The following PRKDC variants were observed in gnomAD, a reference collection of about 807,000 sequenced individuals.
The protein encoded by PRKDC is DNA-dependent protein kinase catalytic subunit.
PRKDC carries 82 observed loss-of-function variants against 486.9 expected under a neutral mutation model. The observed-to-expected ratio is 0.17, with a 90% confidence interval of 0.14 to 0.20. PRKDC has a LOEUF of 0.20. Among genes scored for constraint, PRKDC ranks in the 10% least tolerant of loss-of-function variants. PRKDC has a pLI of 1.00. For missense variants in PRKDC, 4,504 were observed against 5,038.2 expected, an observed-to-expected ratio of 0.89 and a Z score of 3.21; for synonymous variants, 1,895 against 1,837.0, an observed-to-expected ratio of 1.03 and a Z score of -0.81.
intron 68 of PRKDC, among the ~76,000 whole-genome samples, chr8:47,813,347 AC>A (rs1399048818): frequency 2.0e-5 from 3 of 151,930 alleles, no homozygotes; most frequent in Non-Finnish European, 2.9e-5. Context: ...CCAACTCCTG[AC>A]CTCAAATGAT....
intron 68 of PRKDC, among the ~76,000 whole-genome samples, chr8:47,814,127 AAT>A (rs1160359242): frequency 6.6e-6 from 1 of 152,262 alleles, no homozygotes; most frequent in African/African-American, 2.4e-5. Flanking sequence ...GGAGAAAAAC[AAT>A]ATGATTAAGC....
chr8:47,877,657 G>C, intron 40 of PRKDC, 67 bp downstream of exon 40: 7 of 1,382,854 alleles, frequency 5.1e-6, no homozygotes, highest in Non-Finnish European at 6.6e-6. Context: ...TTTTGGAACA[G>C]AGAGGATAAT....
chr8:47,882,701 C>A (rs1469712986), intron 36 of PRKDC, among the ~76,000 whole-genome samples: 1 of 152,250 alleles, frequency 6.6e-6, no homozygotes, highest in Non-Finnish European at 1.5e-5. Context: ...ACTCCTGCAA[C>A]AGAGTGACAG....
chr8:47,880,783 G>A (rs1038303354), intron 38 of PRKDC, among the ~76,000 whole-genome samples: 1 of 152,074 alleles, frequency 6.6e-6, no homozygotes, highest in Non-Finnish European at 1.5e-5. Flanking sequence ...GCCGGGTGTG[G>A]TGGCTCACAC....
chr8:47,938,012 A>G (rs2090382866), intron 11 of PRKDC, among the ~76,000 whole-genome samples: 1 of 152,126 alleles, frequency 6.6e-6, no homozygotes, highest in South Asian at 2.1e-4. Context: ...TTACTCGGGA[A>G]GTTAAGGCAG....
Position 47,854,297 on chromosome 8 carries a change from T to G in PRKDC, c.6762-83A>C, listed in dbSNP as rs2088482859. 3.3e-6 allele frequency: 5 copies of G among 1,502,222 alleles called. No homozygotes were observed. The South Asian group carries it at 5.9e-5, about 18-fold the overall frequency. 93.1% of individuals were successfully genotyped at this position (1,502,222 alleles called of 1,614,324 possible). A position where few individuals can be genotyped will look rare whatever the true frequency, so the allele number is the denominator to read the frequency against. ...GGAAGACAAATACAGAATTTTATTT[T>G]TTTGAGACAGAGTCTGACTCTCGCC... is the stretch of plus-strand genomic sequence containing the variant. On this transcript the variant is annotated intron_variant, in intron 50 of 85. Transcript: ENST00000314191.
intron 25 of PRKDC, among the ~76,000 whole-genome samples, chr8:47,910,524 C>T (rs548993383): frequency 4.6e-5 from 7 of 152,180 alleles, no homozygotes; most frequent in Non-Finnish European, 7.3e-5. Context: ...GCCATCTGTG[C>T]GCTGGTTCAG....
At chr8:47,880,620 A>T (rs1243615290) in intron 38 of PRKDC, among the ~76,000 whole-genome samples, 4 of 152,234 alleles carry the variant, frequency 2.6e-5, no homozygotes, top group African/African-American at 4.8e-5. Flanking sequence ...TGACCCTAAA[A>T]ATCACCAAAA....
At position 47,798,401 on chromosome 8, in the gene PRKDC, TCAAGGACAC is replaced by T. The variant is rs1476833198; in HGVS notation, c.10298-13_10298-5del. 6.3e-7 allele frequency: 1 copy of T among 1,580,302 alleles called. No homozygotes were observed. Among genetic ancestry groups the T allele is most frequent in the East Asian group, 2.2e-5 (1 of 44,640 alleles). ...TGCAGTTCTGCAGAATCAATAACTA[TCAAGGACAC>T]CAAAGAAGAAAGCAATGGTCAATGT... is the stretch of plus-strand genomic sequence containing the variant. On this transcript the variant is annotated splice_region_variant and splice_polypyrimidine_tract_variant and intron_variant, in intron 72 of 85. Transcript: ENST00000314191.
In PRKDC at chr8:47,840,090, T is replaced by C. The variant is rs2154499866; in HGVS notation, c.7380A>G (p.Glu2460=). ...ATGTTGTAGAAGGATGGGAAACGAA[T>C]TCCACAACGGGGTTCAGAAGTTCTC... ...ELRELLNPVV[E]FVSHPSTTCR... Residue 2460 remains glutamate, a synonymous_variant, in exon 55 of 86, where the codon GAA becomes GAG. Transcript: ENST00000314191. 3.2e-6 allele frequency: 5 copies of C among 1,577,456 alleles called. No homozygotes were observed. The highest frequency in any genetic ancestry group is 4.3e-6 in the Non-Finnish European group (5 of 1,159,456).
chr8:47,912,595 G>C (rs1198670376), intron 24 of PRKDC, 33 bp from the exon 25 acceptor site: 1 of 1,531,956 alleles, frequency 6.5e-7, no homozygotes, highest in Non-Finnish European at 8.8e-7. Flanking sequence ...CAATGTTTAA[G>C]TTATCACGTT....
rs537458630 is a variant in PRKDC, at chr8:47,925,676, T to A, written c.2419+1518A>T. Among the ~76,000 whole-genome samples, 20 of 152,342 alleles carry A rather than the reference T, an allele frequency of 1.3e-4. 1 individual carries two copies. The highest frequency in any genetic ancestry group is 4.1e-4 in the African/African-American group (17 of 41,580). ...GTTACGTAAAAGAATGTCCTCACTC[T>A]TAAGAAATATACAATGAAGTCTTCA... On this transcript the variant is annotated intron_variant, in intron 21 of 85. Coordinates refer to ENST00000314191, the MANE Select transcript of PRKDC (RefSeq NM_006904.7).
rs770855899 is a variant in PRKDC, at chr8:47,849,293, C to G, written c.7141G>C (p.Ala2381Pro). The change falls in exon 54 of 86, where the codon GCT (alanine) becomes CCT (proline). Residue 2381 changes from alanine to proline, a missense_variant. Physicochemically the swap from Ala to Pro is conservative, Grantham distance 27. Around this residue, in one of 6 missense-constraint regions of PRKDC, gnomAD observed 1,592 missense variants for 1,724.6 expected, o/e 0.92. Coordinates refer to ENST00000314191, the MANE Select transcript of PRKDC (RefSeq NM_006904.7). ...FPPLADRFMN[A>P]VFFLLPKFHG... ...AATTTTGGCAGCAGAAAGAACACAGCATTCATGAACCTGGCGGGGAAGGGA... is the reference window on the plus strand; with the variant it reads ...AATTTTGGCAGCAGAAAGAACACAGGATTCATGAACCTGGCGGGGAAGGGA... The G allele has an allele frequency of 3.7e-6, 6 of 1,613,964 alleles. No homozygotes were observed. Among genetic ancestry groups the G allele is most frequent in the Non-Finnish European group, 5.1e-6 (6 of 1,179,884 alleles).
rs765921459 is a variant in PRKDC, at chr8:47,819,369, A to C, written c.9445+33T>G. ...GATGCTAAAACTCTTCCACAATTAG[A>C]AATGAAAAAAAAAGACCGATGAAAA... On this transcript the variant is annotated intron_variant, in intron 67 of 85. Coordinates refer to ENST00000314191, the MANE Select transcript of PRKDC (RefSeq NM_006904.7). 4.5e-5 allele frequency: 60 copies of C among 1,330,234 alleles called. 2 individuals carry two copies. In the South Asian group the frequency reaches 7.9e-4, roughly 18 times the overall value. 82.4% of individuals were successfully genotyped at this position (1,330,234 alleles called of 1,614,324 possible). A position where few individuals can be genotyped will look rare whatever the true frequency, so the allele number is the denominator to read the frequency against.
Position 47,879,481 on chromosome 8 carries a change from A to T in PRKDC, c.5235+10T>A, listed in dbSNP as rs8178111. The T allele has an allele frequency of 5.6e-4, 877 of 1,557,436 alleles. 13 individuals are homozygous for T. The East Asian group carries it at 0.019, about 33-fold the overall frequency. On this transcript the variant is annotated intron_variant, in intron 39 of 85. Transcript: ENST00000314191. Reference sequence around the variant, plus strand: ...TGTTTTAATTTTACTTGATACTACTAGAAACTAACCTTTTTCATGCAGTCC... The same window carrying T: ...TGTTTTAATTTTACTTGATACTACTTGAAACTAACCTTTTTCATGCAGTCC...
At chr8:47,871,369 G>T (rs757132392) in intron 40 of PRKDC, among the ~76,000 whole-genome samples, 27 of 152,166 alleles carry the variant, frequency 1.8e-4, no homozygotes, top group Non-Finnish European at 2.6e-4. Context: ...ATACAAAGGA[G>T]TGCCAATACA....
At chr8:47,817,671 A>G in intron 67 of PRKDC, 110 bp from the exon 68 acceptor site, 1 of 662,094 alleles carries the variant, frequency 1.5e-6, no homozygotes, top group Non-Finnish European at 2.5e-6. Context: ...AAATTACAAA[A>G]AAGTCCTTTC....
chr8:47,806,792 T>C (rs2087222912), intron 69 of PRKDC, among the ~76,000 whole-genome samples: 1 of 152,226 alleles, frequency 6.6e-6, no homozygotes, highest in African/African-American at 2.4e-5. Context: ...CTAACAATCA[T>C]TTTGAAATGA....
Position 47,890,320 on chromosome 8 carries a change from G to C in PRKDC, c.4008C>G (p.Thr1336=). Residue 1336 remains threonine, a synonymous_variant, in exon 32 of 86, where the codon ACC becomes ACG. Coordinates refer to ENST00000314191, the MANE Select transcript of PRKDC (RefSeq NM_006904.7). ...TAAACTCCATAATCCGGACCACAAC[G>C]GTGCATTTGCTGTAGTTGTACCTTT... ...EGERYNYSKC[T]VVVRIMEFTT... 6.2e-7 allele frequency: 1 copy of C among 1,613,258 alleles called. No homozygotes were observed. Among genetic ancestry groups the C allele is most frequent in the South Asian group, 1.1e-5 (1 of 90,962 alleles).
Sources: allele counts gnomAD v4.1 joint callset (sites outside exome capture counted in the v4.1 genomes callset), GRCh38; gene constraint gnomAD v4.1.1; regional missense constraint gnomAD v4.1.1; transcripts MANE v1.5; gene names NCBI Gene and HGNC (gene_info 2026-07-23, HGNC 2026-07-21).